TMEM132B: variants seen among roughly 807,000 people sequenced by gnomAD.
The protein encoded by TMEM132B is transmembrane protein 132B.
In TMEM132B, 18 loss-of-function variants were observed where a neutral mutation model predicts 90.8. The ratio of observed to expected loss-of-function variants is 0.20; its 90% CI spans 0.14 to 0.29. The LOEUF (loss-of-function observed/expected upper bound fraction) is 0.29, where lower values mean the gene tolerates loss of function less well. Ranked by LOEUF, TMEM132B falls within the 10% of genes least tolerant of loss-of-function variation. The pLI is 1.00. For missense variants in TMEM132B, 1,096 were observed against 1,326.8 expected (o/e 0.83, Z 2.70); for synonymous variants, 504 against 523.3 (o/e 0.96, Z 0.50).
intron 1 of TMEM132B, among the ~76,000 whole-genome samples, chr12:125,340,276 TTAAAA>T (rs1179090540): frequency 7.9e-5 from 12 of 152,170 alleles, no homozygotes; most frequent in Middle Eastern, 3.2e-3. Flanking sequence ...TCGAATTCAA[TTAAAA>T]TAAACTCAAA....
At chr12:125,594,603 G>T (rs1885395088) in intron 5 of TMEM132B, among the ~76,000 whole-genome samples, 1 of 152,040 alleles carries the variant, frequency 6.6e-6, no homozygotes, top group Admixed American at 6.5e-5. Context: ...TTGTAATTTT[G>T]GTTTTAATTT....
At chr12:125,244,667 T>C (rs11058101) in intron 1 of TMEM132B, among the ~76,000 whole-genome samples, 8,058 of 152,276 alleles carry the variant, frequency 0.053, 282 homozygotes, top group African/African-American at 0.092. Flanking sequence ...TAAGGAGACC[T>C]TCCTCCCCTC....
chr12:125,409,525 G>GC (rs1360481115), intron 2 of TMEM132B, among the ~76,000 whole-genome samples: 1 of 152,054 alleles, frequency 6.6e-6, no homozygotes, highest in Admixed American at 6.6e-5. Flanking sequence ...TGTGTCCCAA[G>GC]CCTCAGTGCC....
chr12:125,324,287 A>G (rs1284043592), intron 1 of TMEM132B, among the ~76,000 whole-genome samples: 1 of 152,192 alleles, frequency 6.6e-6, no homozygotes, highest in East Asian at 1.9e-4. Flanking sequence ...ATTACTTCCA[A>G]AGAGTTAGAT....
chr12:125,650,281 G>A (rs1886872982), intron 6 of TMEM132B, among the ~76,000 whole-genome samples: 1 of 152,166 alleles, frequency 6.6e-6, no homozygotes, highest in Non-Finnish European at 1.5e-5. Context: ...AGCTGAGCCT[G>A]TGAGAGGGTA....
intron 3 of TMEM132B, among the ~76,000 whole-genome samples, chr12:125,494,454 C>T (rs1405515235): frequency 2.1e-5 from 3 of 143,006 alleles, no homozygotes; most frequent in Non-Finnish European, 4.6e-5. Flanking sequence ...TCCTCCCCCT[C>T]CTCCCCAAAA....
rs1177570445 is a variant in TMEM132B, at chr12:125,492,315, G to A, written c.1107-27124G>A. On this transcript the variant is annotated intron_variant, in intron 3 of 8. Transcript: ENST00000682704. This position sits in a 1 kb window ranked among gnomAD's most constrained non-coding sequence, Gnocchi z 5.8. ...TGACTGCTGCTCACCATTCCTTAGC[G>A]GGCTCTCGCGTGTCCTCCAAACACT... Among the ~76,000 whole-genome samples, 4 of 152,180 alleles carry A rather than the reference G, an allele frequency of 2.6e-5. No individual in the cohort carries two copies. Among genetic ancestry groups the A allele is most frequent in the South Asian group, 2.1e-4 (1 of 4,826 alleles).
chr12:125,533,097 C>T (rs967943254), intron 4 of TMEM132B, among the ~76,000 whole-genome samples: 1 of 152,144 alleles, frequency 6.6e-6, no homozygotes, highest in Non-Finnish European at 1.5e-5. Flanking sequence ...AAGCTGCTGT[C>T]GTTCAATTCC....
At chr12:125,520,771 T>C (rs368835405) in intron 4 of TMEM132B, among the ~76,000 whole-genome samples, 138 of 152,358 alleles carry the variant, frequency 9.1e-4, no homozygotes, top group Non-Finnish European at 1.4e-3. Flanking sequence ...TTCATGACAG[T>C]AGGGTTATCC....
chr12:125,517,327 ATTTTTTTTTTTTTTTTTTT>A (rs56147854), intron 3 of TMEM132B, among the ~76,000 whole-genome samples: 6 of 28,422 alleles, frequency 2.1e-4, no homozygotes, highest in Non-Finnish European at 3.7e-4. Context: ...TGCCCTGCTG[ATTTTTTTTTTTTTTTTTTT>A]TTTTTTTTTT....
chr12:125,301,025 A>T (rs866076981), intron 1 of TMEM132B: 2 of 150,004 alleles, frequency 1.3e-5, no homozygotes, highest in Middle Eastern at 6.8e-3. Context: ...GGAGATATAT[A>T]TGTATATATA....
At chr12:125,626,616 A>T (rs778144006) in intron 5 of TMEM132B, among the ~76,000 whole-genome samples, 1 of 152,126 alleles carries the variant, frequency 6.6e-6, no homozygotes, top group African/African-American at 2.4e-5. Context: ...TCATGATGCC[A>T]TCCTATTGTC....
chr12:125,481,726 T>G (rs1308193922), intron 3 of TMEM132B, among the ~76,000 whole-genome samples: 1 of 152,172 alleles, frequency 6.6e-6, no homozygotes, highest in Non-Finnish European at 1.5e-5. Context: ...TACCAATGAC[T>G]TTCTTCACAG....
In TMEM132B at chr12:125,460,090, A is replaced by G. The variant is rs185318637; in HGVS notation, c.1106+44413A>G. ...AGCAGTGTGTGAACAGACTAATATA[A>G]CCCATTTTACCTGATGTGATTATTA... On this transcript the variant is annotated intron_variant, in intron 3 of 8. Transcript: ENST00000682704. This position sits in a 1 kb window ranked among gnomAD's most constrained non-coding sequence, Gnocchi z 4.4. Among the ~76,000 whole-genome samples, 9 of 152,152 alleles carry G rather than the reference A, an allele frequency of 5.9e-5. No homozygotes were observed. The East Asian group carries it at 1.7e-3, about 29-fold the overall frequency.
intron 1 of TMEM132B, among the ~76,000 whole-genome samples, chr12:125,324,811 T>C (rs1876517395): frequency 6.6e-6 from 1 of 152,204 alleles, no homozygotes; most frequent in Non-Finnish European, 1.5e-5. Context: ...GAGTGACAAC[T>C]GAGATCGTGT....
At chr12:125,392,534 C>T (rs908309587) in intron 2 of TMEM132B, among the ~76,000 whole-genome samples, 3 of 152,218 alleles carry the variant, frequency 2.0e-5, no homozygotes, top group Admixed American at 6.5e-5. Flanking sequence ...ACCTAGGCAT[C>T]GGGGTCTGGA....
At chr12:125,582,966 C>T (rs977222731) in intron 4 of TMEM132B, among the ~76,000 whole-genome samples, 1 of 151,806 alleles carries the variant, frequency 6.6e-6, no homozygotes, top group African/African-American at 2.4e-5. Flanking sequence ...CAGATCATTC[C>T]ATGTCCATGA....
At chr12:125,452,552 C>T (rs1881183305) in intron 3 of TMEM132B, among the ~76,000 whole-genome samples, 1 of 152,180 alleles carries the variant, frequency 6.6e-6, no homozygotes, top group Non-Finnish European at 1.5e-5. Flanking sequence ...AGTGGAGCAG[C>T]CACAGTTTTC....
chr12:125,339,330 A>G (rs991507460), intron 1 of TMEM132B, among the ~76,000 whole-genome samples: 1 of 147,278 alleles, frequency 6.8e-6, no homozygotes, highest in Non-Finnish European at 1.5e-5. Flanking sequence ...TGGCTTGTAG[A>G]TGGCCGCCTG....
Sources: allele counts gnomAD v4.1 joint callset (sites outside exome capture counted in the v4.1 genomes callset), GRCh38; gene constraint gnomAD v4.1.1; non-coding constraint Gnocchi (gnomAD v3.1); transcripts MANE v1.5; gene names NCBI Gene and HGNC (gene_info 2026-07-23, HGNC 2026-07-21).